Variants in DNAJC10 observed in about 807,000 individuals in gnomAD.
The protein encoded by DNAJC10 is DnaJ heat shock protein family (Hsp40) member C10, also known as endoplasmic reticulum disulfide reductase DNAJC10.
A neutral mutation model predicts 115.0 loss-of-function variants in DNAJC10; 101 were observed. That is an observed-to-expected ratio of 0.88 (90% CI 0.75 to 1.04). The LOEUF (loss-of-function observed/expected upper bound fraction) is 1.04, where lower values mean the gene tolerates loss of function less well. Among genes scored for constraint, DNAJC10 ranks in the 50% least tolerant of loss-of-function variants. The probability of loss-of-function intolerance (pLI) is 0.00; values close to 1 mark genes in which losing one functional copy is unlikely to be tolerated. For missense variants in DNAJC10, 981 were observed against 928.8 expected (o/e 1.06, Z -0.73); for synonymous variants, 307 against 301.5 (o/e 1.02, Z -0.19).
intron 16 of DNAJC10, chr2:182,752,428 C>A: frequency 2.9e-6 from 1 of 347,266 alleles, no homozygotes; most frequent in Non-Finnish European, 4.6e-6. Context: ...ACTCAGGCAA[C>A]TATTTTCATT....
rs201677957 is a variant in DNAJC10, at chr2:182,757,763, C to T, written c.1881C>T (p.Asn627=). The change falls in exon 19 of 24, where the codon AAC becomes AAT. Residue 627 remains asparagine (N), a synonymous_variant. Coordinates refer to ENST00000264065, the MANE Select transcript of DNAJC10 (RefSeq NM_018981.4). ...ATCATTCTTTTTGTGCCCAGGAAAA[C>T]GTTCAAAGATACCCTGAGATAAGAT... ...QQYHSFCAQE[N]VQRYPEIRFF... The T allele has an allele frequency of 1.4e-5, 23 of 1,594,372 alleles. No homozygotes were observed. Among genetic ancestry groups the T allele is most frequent in the African/African-American group, 1.3e-4 (10 of 74,360 alleles).
At chr2:182,765,703 G>C (rs916437189) in intron 22 of DNAJC10, among the ~76,000 whole-genome samples, 1 of 152,130 alleles carries the variant, frequency 6.6e-6, no homozygotes, top group Non-Finnish European at 1.5e-5. Flanking sequence ...CTCGAAAAGA[G>C]AGCCCCATAT....
chr2:182,788,830 T>A lies in DNAJC10; in HGVS notation c.*11698T>A, dbSNP rs1216597508. On this transcript the variant is annotated 3_prime_UTR_variant, in exon 24 of 24. Coordinates refer to ENST00000264065, the MANE Select transcript of DNAJC10 (RefSeq NM_018981.4). Reference sequence around the variant, plus strand: ...ATGATCACTTAGTATGTCTACGGATTTTTTGGGGAAGAGAGATTTCACGTT... The same window carrying A: ...ATGATCACTTAGTATGTCTACGGATATTTTGGGGAAGAGAGATTTCACGTT... 11 of 456,458 alleles carry A rather than the reference T, an allele frequency of 2.4e-5. No individual in the cohort carries two copies. The highest frequency in any genetic ancestry group is 6.0e-5 in the African/African-American group (3 of 50,166). 28.3% of individuals were successfully genotyped at this position (456,458 alleles called of 1,614,324 possible). A position where few individuals can be genotyped will look rare whatever the true frequency, so the allele number is the denominator to read the frequency against.
chr2:182,743,611 A>G lies in DNAJC10; in HGVS notation c.1205A>G (p.Asp402Gly). The G allele has an allele frequency of 6.2e-7, 1 of 1,612,782 alleles. No homozygotes were observed. The highest frequency in any genetic ancestry group is 8.5e-7 in the Non-Finnish European group (1 of 1,179,254). ...TTTCTCCTTTAGGTTGGCAGGTTTG[A>G]CTGTTCCTCTGCACCAGACATCTGT... is the stretch of plus-strand genomic sequence containing the variant. ...KNDHIQVGRF[D>G]CSSAPDICSN... is the part of the protein sequence containing the mutation. Residue 402 changes from aspartate (D) to glycine (G), a missense_variant, in exon 14 of 24, where the codon GAC (aspartate) becomes GGC (glycine). Coordinates refer to ENST00000264065, the MANE Select transcript of DNAJC10 (RefSeq NM_018981.4).
Position 182,777,940 on chromosome 2 carries a change from A to C in DNAJC10, c.*808A>C, listed in dbSNP as rs562668539. On this transcript the variant is annotated 3_prime_UTR_variant, in exon 24 of 24. Coordinates refer to ENST00000264065, the MANE Select transcript of DNAJC10 (RefSeq NM_018981.4). The stretch of plus-strand genomic sequence containing the variant: ...AAACCTGAGGGAAAAAAATTATAGC[A>C]ATTAACTGGGCATTGTAGAGTATCC... 1 of 152,332 alleles carries C rather than the reference A, an allele frequency of 6.6e-6. No homozygotes were observed. Among genetic ancestry groups the C allele is most frequent in the South Asian group, 2.1e-4 (1 of 4,824 alleles). 9.4% of individuals were successfully genotyped at this position (152,332 alleles called of 1,614,324 possible).
chr2:182,736,946 C>T (rs948637322), intron 11 of DNAJC10, among the ~76,000 whole-genome samples: 6 of 152,126 alleles, frequency 3.9e-5, no homozygotes, highest in Non-Finnish European at 7.3e-5. Context: ...GACGGGGTTT[C>T]GCCATGTTGG....
intron 5 of DNAJC10, among the ~76,000 whole-genome samples, chr2:182,722,861 A>G (rs1183777811): frequency 6.6e-6 from 1 of 152,094 alleles, no homozygotes; most frequent in Non-Finnish European, 1.5e-5. Context: ...AATCGCGTGA[A>G]TCTGGGAGGC....
rs442193 is a variant in DNAJC10 at position 182,750,791 on chromosome 2, C to G, written c.1307-867C>G. Among the ~76,000 whole-genome samples the G allele has an allele frequency of 2.8e-3, 427 of 152,268 alleles. 2 individuals are homozygous for G. Among genetic ancestry groups the G allele is most frequent in the African/African-American group, 9.6e-3 (397 of 41,550 alleles). The stretch of plus-strand genomic sequence containing the variant: ...AGAAAAGGGGTAATGTGTTGCACTA[C>G]AGAGTTACAACAGCCACACCATCAC... On this transcript the variant is annotated intron_variant, in intron 14 of 23. Coordinates refer to ENST00000264065, the MANE Select transcript of DNAJC10 (RefSeq NM_018981.4).
chr2:182,758,352 A>G (rs926608487), intron 19 of DNAJC10, among the ~76,000 whole-genome samples: 1 of 152,224 alleles, frequency 6.6e-6, no homozygotes, highest in Non-Finnish European at 1.5e-5. Flanking sequence ...TTTCAGGTAG[A>G]AAACTCAAAT....
Position 182,792,838 on chromosome 2 carries a change from A to G in DNAJC10, c.*15706A>G, listed in dbSNP as rs992461022. ...CTTACAATGTGCTAGGCTTTGTTCT[A>G]TGCATTTAAGATAGTGTATTAAATG... is the stretch of plus-strand genomic sequence containing the variant. On this transcript the variant is annotated 3_prime_UTR_variant, in exon 24 of 24. Transcript: ENST00000264065. The G allele has an allele frequency of 2.0e-5, 3 of 152,224 alleles. No individual in the cohort carries two copies. The highest frequency in any genetic ancestry group is 4.4e-5 in the Non-Finnish European group (3 of 68,040). 9.4% of individuals were successfully genotyped at this position (152,224 alleles called of 1,614,324 possible). A position where few individuals can be genotyped will look rare whatever the true frequency, so the allele number is the denominator to read the frequency against.
intron 5 of DNAJC10, among the ~76,000 whole-genome samples, chr2:182,722,877 T>C (rs961433845): frequency 6.6e-6 from 1 of 152,094 alleles, no homozygotes; most frequent in Non-Finnish European, 1.5e-5. Flanking sequence ...GAGGCTGATA[T>C]TGCAGTGAGC....
chr2:182,764,157 A>G (rs1694354484), intron 22 of DNAJC10, among the ~76,000 whole-genome samples: 1 of 152,186 alleles, frequency 6.6e-6, no homozygotes. Flanking sequence ...TATATTGCCA[A>G]TCACAATGTA....
rs1397012942 is a variant in DNAJC10, at chr2:182,716,263, T to A, written c.-424T>A. The A allele has an allele frequency of 1.3e-5, 2 of 152,300 alleles. No homozygotes were observed. The highest frequency in any genetic ancestry group is 4.8e-5 in the African/African-American group (2 of 41,436). The allele number at this position is 152,300 out of a possible 1,614,324, so 9.4% of individuals were successfully genotyped here. ...GCTCCGCGCCAGGCCCCGCCCCGGCTCGCCGTGGAGACCGGCGCGTGAGGA... is the reference window on the plus strand; with the variant it reads ...GCTCCGCGCCAGGCCCCGCCCCGGCACGCCGTGGAGACCGGCGCGTGAGGA... On this transcript the variant is annotated 5_prime_UTR_variant, in exon 1 of 24. Transcript: ENST00000264065.
In DNAJC10 at chr2:182,731,067, T is replaced by C. The variant is rs773311299; in HGVS notation, c.765T>C (p.Ala255=). ...FVNSIQTAFA[A]GIGWLITFCS... ...ACTCCATACAAACTGCTTTTGCTGCTGGTATTGGCTGGCTGATCACTTTTT... is the reference window on the plus strand; with the variant it reads ...ACTCCATACAAACTGCTTTTGCTGCCGGTATTGGCTGGCTGATCACTTTTT... Residue 255 remains alanine, a synonymous_variant, in exon 9 of 24, where the codon GCT becomes GCC. Transcript: ENST00000264065. 6 of 1,612,856 alleles carry C rather than the reference T, an allele frequency of 3.7e-6. No individual in the cohort carries two copies. The African/African-American group carries it at 5.3e-5, about 14-fold the overall frequency.
intron 14 of DNAJC10, among the ~76,000 whole-genome samples, chr2:182,750,016 T>G (rs900693407): frequency 2.6e-5 from 4 of 152,136 alleles, no homozygotes; most frequent in African/African-American, 7.2e-5. Context: ...CATGTGGGCC[T>G]TTGTAGGGCT....
At chr2:182,741,027 A>C (rs1483729582) in intron 12 of DNAJC10, among the ~76,000 whole-genome samples, 1 of 152,160 alleles carries the variant, frequency 6.6e-6, no homozygotes, top group African/African-American at 2.4e-5. Context: ...TTAAGATTTT[A>C]TAATTTAGTG....
At chr2:182,728,194 T>A (rs1358191523) in intron 5 of DNAJC10, among the ~76,000 whole-genome samples, 1 of 152,160 alleles carries the variant, frequency 6.6e-6, no homozygotes, top group African/African-American at 2.4e-5. Context: ...ACTATTTGTC[T>A]TCTTTATTTC....
chr2:182,739,202 A>G (rs1294569243), intron 11 of DNAJC10, among the ~76,000 whole-genome samples: 1 of 145,056 alleles, frequency 6.9e-6, no homozygotes, highest in Non-Finnish European at 1.5e-5. Flanking sequence ...ATATATTTAT[A>G]TATATTTATA....
intron 15 of DNAJC10, 84 bp downstream of exon 15, chr2:182,751,869 A>C: frequency 6.6e-7 from 1 of 1,522,458 alleles, no homozygotes; most frequent in Admixed American, 1.9e-5. Context: ...ATAACTTTGA[A>C]TCATTAGTAC....
Sources: allele counts gnomAD v4.1 joint callset (sites outside exome capture counted in the v4.1 genomes callset), GRCh38; gene constraint gnomAD v4.1.1; transcripts MANE v1.5; gene names NCBI Gene and HGNC (gene_info 2026-07-23, HGNC 2026-07-21).